Variants in LRMDA observed in about 807,000 individuals in gnomAD.
LRMDA encodes leucine rich melanocyte differentiation associated, also known as leucine-rich melanocyte differentiation-associated protein.
In LRMDA, 18 loss-of-function variants were observed where a neutral mutation model predicts 29.8. The ratio of observed to expected loss-of-function variants is 0.60; its 90% CI spans 0.42 to 0.90. LRMDA has a LOEUF of 0.90. LRMDA is among the 40% of genes least tolerant of loss of function. The pLI is 0.00. For missense variants in LRMDA, 273 were observed against 273.9 expected (o/e 1.00, Z 0.02); for synonymous variants, 125 against 109.4 (o/e 1.14, Z -0.89).
chr10:75,765,995 A>T (rs1738592551), intron 2 of LRMDA, among the ~76,000 whole-genome samples: 1 of 152,164 alleles, frequency 6.6e-6, no homozygotes, highest in Admixed American at 6.5e-5. Flanking sequence ...GATGGTGAGG[A>T]GGGCGTGGAG....
chr10:75,937,687 T>C (rs1331252060), intron 2 of LRMDA, among the ~76,000 whole-genome samples: 1 of 152,188 alleles, frequency 6.6e-6, no homozygotes, highest in Non-Finnish European at 1.5e-5. Flanking sequence ...CTTGAATCTA[T>C]AATGGTTTCT....
chr10:76,347,769 G>C (rs142605689), intron 6 of LRMDA, among the ~76,000 whole-genome samples: 29 of 152,170 alleles, frequency 1.9e-4, no homozygotes, highest in African/African-American at 6.5e-4. Context: ...ATGATAATGG[G>C]TCACATGCAA....
chr10:75,539,371 A>G (rs1237293804), intron 2 of LRMDA, among the ~76,000 whole-genome samples: 1 of 152,210 alleles, frequency 6.6e-6, no homozygotes, highest in African/African-American at 2.4e-5. Flanking sequence ...GTGTTACTTG[A>G]GATGACAGAA....
At chr10:75,757,998 C>T (rs901310838) in intron 2 of LRMDA, among the ~76,000 whole-genome samples, 3 of 152,158 alleles carry the variant, frequency 2.0e-5, no homozygotes, top group African/African-American at 7.2e-5. Flanking sequence ...TGGGGTTTCA[C>T]CATGTTGGCC....
chr10:75,463,269 T>A (rs762771183), intron 2 of LRMDA, among the ~76,000 whole-genome samples: 42 of 152,108 alleles, frequency 2.8e-4, no homozygotes, highest in Non-Finnish European at 4.1e-4. Flanking sequence ...GGGGAACTTG[T>A]GAAAATGCAG....
At chr10:76,458,163 T>A (rs1159458697) in intron 6 of LRMDA, among the ~76,000 whole-genome samples, 1 of 66,442 alleles carries the variant, frequency 1.5e-5, no homozygotes, top group African/African-American at 4.3e-5. Flanking sequence ...TTAAAAAAAA[T>A]TTGGCCTGTT....
chr10:75,862,604 A>C (rs73279286), intron 2 of LRMDA, among the ~76,000 whole-genome samples: 1 of 152,318 alleles, frequency 6.6e-6, no homozygotes, highest in African/African-American at 2.4e-5. Context: ...TCATTAATTC[A>C]GGGGAGATTT....
intron 5 of LRMDA, among the ~76,000 whole-genome samples, chr10:76,230,408 G>A (rs542874320): frequency 2.0e-5 from 3 of 152,126 alleles, no homozygotes; most frequent in Admixed American, 6.5e-5. Context: ...TCAAAAAAAA[G>A]TAGATAGAAA....
At chr10:75,702,769 C>G (rs916776646) in intron 2 of LRMDA, among the ~76,000 whole-genome samples, 1 of 152,158 alleles carries the variant, frequency 6.6e-6, no homozygotes, top group African/African-American at 2.4e-5. Context: ...TGGTTTGCAG[C>G]CTTAGGCTTC....
chr10:75,440,517 A>T (rs908244534), intron 2 of LRMDA, among the ~76,000 whole-genome samples: 16 of 152,204 alleles, frequency 1.1e-4, no homozygotes, highest in South Asian at 8.3e-4. Flanking sequence ...GTTGCAGACC[A>T]GAATGGAGAA....
At chr10:75,688,575 A>G (rs1004138704) in intron 2 of LRMDA, among the ~76,000 whole-genome samples, 13 of 152,234 alleles carry the variant, frequency 8.5e-5, no homozygotes, top group Admixed American at 2.6e-4. Context: ...TGCTGTGAAC[A>G]TTGTTGAAAT....
At chr10:76,053,496 T>C (rs1333697070) in intron 4 of LRMDA, among the ~76,000 whole-genome samples, 5 of 149,858 alleles carry the variant, frequency 3.3e-5, no homozygotes, top group Non-Finnish European at 6.0e-5. Context: ...GCTTTGGGAA[T>C]CCTCTCTTGT....
intron 2 of LRMDA, among the ~76,000 whole-genome samples, chr10:75,577,118 T>G (rs1840516280): frequency 6.6e-6 from 1 of 152,146 alleles, no homozygotes; most frequent in African/African-American, 2.4e-5. Context: ...TTTAACCCAA[T>G]GCAAGGAAGC....
At chr10:75,960,262 A>C (rs1408102151) in intron 2 of LRMDA, among the ~76,000 whole-genome samples, 1 of 152,258 alleles carries the variant, frequency 6.6e-6, no homozygotes, top group Admixed American at 6.5e-5. Flanking sequence ...ATGGATAGGC[A>C]TATTTAGAAG....
chr10:76,086,315 G>T (rs1210219137), intron 5 of LRMDA, among the ~76,000 whole-genome samples: 3 of 152,168 alleles, frequency 2.0e-5, no homozygotes, highest in African/African-American at 7.2e-5. Context: ...ATCCTTCAGG[G>T]ACTTCTAGGG....
chr10:75,440,651 C>T (rs549205996), intron 2 of LRMDA, among the ~76,000 whole-genome samples: 22 of 152,206 alleles, frequency 1.4e-4, no homozygotes, highest in African/African-American at 5.3e-4. Flanking sequence ...GAAGAAGATT[C>T]GAGCTTATTT....
intron 2 of LRMDA, among the ~76,000 whole-genome samples, chr10:75,713,371 C>T (rs541125475): frequency 6.6e-5 from 10 of 152,264 alleles, no homozygotes; most frequent in Middle Eastern, 3.4e-3. Flanking sequence ...TTAATGCAAT[C>T]GCTGATTGCA....
intron 2 of LRMDA, among the ~76,000 whole-genome samples, chr10:75,774,869 G>A (rs1589196168): frequency 6.6e-6 from 1 of 152,346 alleles, no homozygotes; most frequent in East Asian, 1.9e-4. Flanking sequence ...AAGCAGGGAT[G>A]AAAGCTCTCC....
chr10:76,401,899 A>G lies in LRMDA; in HGVS notation c.601+77414A>G, dbSNP rs191777048. On this transcript the variant is annotated intron_variant, in intron 6 of 6. Coordinates refer to ENST00000611255, the MANE Select transcript of LRMDA (RefSeq NM_001305581.2). ...GGAAATTATGTAGCTGGCCCTGACT[A>G]GGGGTATAGTGGGAAACCAAAGGGG... is the stretch of plus-strand genomic sequence containing the variant. Among the ~76,000 whole-genome samples the G allele has an allele frequency of 2.6e-4, 40 of 152,206 alleles. 1 individual carries two copies. The East Asian group carries it at 7.1e-3, about 27-fold the overall frequency.
Sources: gnomAD v4.1 joint callset for allele counts (sites outside exome capture counted in the v4.1 genomes callset) on GRCh38, gnomAD v4.1.1 for gene constraint, MANE v1.5 for transcripts, NCBI Gene and HGNC (gene_info 2026-07-23, HGNC 2026-07-21) for gene names.